Variants in ATCAY observed in about 807,000 individuals in gnomAD.
The protein encoded by ATCAY is ATCAY kinesin light chain interacting caytaxin, also known as caytaxin.
ATCAY carries 22 observed loss-of-function variants against 47.7 expected under a neutral mutation model. The ratio of observed to expected loss-of-function variants is 0.46; its 90% confidence interval spans 0.33 to 0.66. The LOEUF is 0.66. Among genes scored for constraint, ATCAY ranks in the 30% least tolerant of loss-of-function variants. The probability of loss-of-function intolerance (pLI) is 0.02; values close to 1 mark genes in which losing one functional copy is unlikely to be tolerated. For synonymous variants in ATCAY, 216 were observed against 207.6 expected (o/e 1.04, Z -0.35); for missense variants, 452 against 515.0 (o/e 0.88, Z 1.18).
chr19:3,916,394 G>A (rs1371004696), intron 9 of ATCAY, among the ~76,000 whole-genome samples: 1 of 152,124 alleles, frequency 6.6e-6, no homozygotes, highest in Non-Finnish European at 1.5e-5. Flanking sequence ...AAATATCTCT[G>A]TAAGACCCTA....
Position 3,908,393 on chromosome 19 carries a change from C to T in ATCAY, c.647+23C>T, listed in dbSNP as rs780377613. 2.6e-6 allele frequency: 4 copies of T among 1,547,354 alleles called. No individual in the cohort carries two copies. In the African/African-American group the frequency reaches 4.1e-5, roughly 16 times the overall value. The stretch of plus-strand genomic sequence containing the variant: ...CCTGTGAGTCCCCGCCCGCGGCGAG[C>T]AGCCTCGGGCCAGCTCTGATGCCTC... On this transcript the variant is annotated intron_variant, in intron 6 of 12. Coordinates refer to ENST00000450849, the MANE Select transcript of ATCAY (RefSeq NM_033064.5).
intron 9 of ATCAY, among the ~76,000 whole-genome samples, chr19:3,916,262 T>C (rs1384115097): frequency 1.3e-5 from 2 of 152,188 alleles, no homozygotes; most frequent in Non-Finnish European, 2.9e-5. Flanking sequence ...TTCCATTGCG[T>C]GAATGGACCA....
chr19:3,906,512 A>C (rs1274496942), intron 4 of ATCAY, among the ~76,000 whole-genome samples: 1 of 151,854 alleles, frequency 6.6e-6, no homozygotes, highest in East Asian at 2.0e-4. Context: ...CATGTTGCCC[A>C]GGCTGGTCTC....
rs768004227 is a variant in ATCAY at position 3,910,863 on chromosome 19, G to C, written c.840G>C (p.Val280=). 1 of 1,614,018 alleles carries C rather than the reference G, an allele frequency of 6.2e-7. No homozygotes were observed. The highest frequency in any genetic ancestry group is 8.5e-7 in the Non-Finnish European group (1 of 1,179,906). The change falls in exon 8 of 13, where the codon GTG becomes GTC. Residue 280 remains valine (V), a synonymous_variant. Transcript: ENST00000450849. ...ACCCCTCGTGGTTCATTCGGACTGT[G>C]CTGGCCATCTCTCGCCCTTTCATCA... ...IVHPSWFIRT[V]LAISRPFISV...
At chr19:3,909,460 C>T (rs1398833836) in intron 6 of ATCAY, 26 bp from the exon 7 acceptor site, 1 of 1,608,646 alleles carries the variant, frequency 6.2e-7, no homozygotes, top group African/African-American at 1.3e-5. Flanking sequence ...CATGTTGGGT[C>T]CCTGCCTTCT....
At chr19:3,888,631 C>CA (rs1382408823) in intron 2 of ATCAY, among the ~76,000 whole-genome samples, 2 of 151,738 alleles carry the variant, frequency 1.3e-5, no homozygotes, top group Non-Finnish European at 2.9e-5. Flanking sequence ...GAGAGTGTCT[C>CA]AAAAAAACAG....
chr19:3,911,511 AAAAC>A (rs2038922400), intron 8 of ATCAY, among the ~76,000 whole-genome samples: 1 of 152,012 alleles, frequency 6.6e-6, no homozygotes, highest in Non-Finnish European at 1.5e-5. Context: ...GAGACAGAGC[AAAAC>A]AACCCTGTCT....
At chr19:3,914,933 A>G (rs2038954160) in intron 9 of ATCAY, among the ~76,000 whole-genome samples, 2 of 151,864 alleles carry the variant, frequency 1.3e-5, no homozygotes, top group African/African-American at 4.8e-5. Context: ...GGAAACGCAG[A>G]CTTGGAAGGG....
intron 9 of ATCAY, among the ~76,000 whole-genome samples, chr19:3,914,925 A>G (rs934608523): frequency 2.0e-5 from 3 of 151,698 alleles, no homozygotes; most frequent in Non-Finnish European, 4.4e-5. Flanking sequence ...CAATGAGGGG[A>G]AACGCAGACT....
intron 2 of ATCAY, among the ~76,000 whole-genome samples, chr19:3,897,070 C>G (rs570458759): frequency 2.0e-5 from 3 of 151,918 alleles, no homozygotes; most frequent in East Asian, 3.9e-4. Flanking sequence ...TGAGCCACCA[C>G]GCCCAGCCAG....
At chr19:3,908,411 G>C in intron 6 of ATCAY, 41 bp downstream of exon 6, 1 of 1,508,110 alleles carries the variant, frequency 6.6e-7, no homozygotes, top group Non-Finnish European at 9.0e-7. Context: ...GGCCAGCTCT[G>C]ATGCCTCCCT....
chr19:3,914,235 C>CAAA (rs56742726), intron 9 of ATCAY, among the ~76,000 whole-genome samples: 1 of 62,568 alleles, frequency 1.6e-5, no homozygotes, highest in African/African-American at 1.0e-4. Context: ...GACTCCATCG[C>CAAA]AAAAAAAAAA....
At chr19:3,910,998 T>A in intron 8 of ATCAY, 109 bp downstream of exon 8, 1 of 1,221,760 alleles carries the variant, frequency 8.2e-7, no homozygotes, top group Non-Finnish European at 1.2e-6. Flanking sequence ...CGTGTGTGCA[T>A]CTGTGTGTGT....
intron 1 of ATCAY, among the ~76,000 whole-genome samples, chr19:3,884,608 G>A (rs576411062): frequency 6.6e-6 from 1 of 152,266 alleles, no homozygotes; most frequent in Non-Finnish European, 1.5e-5. Flanking sequence ...AAGAGGGAGG[G>A]TAAGTCTATC....
At chr19:3,890,679 G>A (rs539369535) in intron 2 of ATCAY, among the ~76,000 whole-genome samples, 13 of 152,294 alleles carry the variant, frequency 8.5e-5, no homozygotes, top group South Asian at 2.1e-4. Context: ...CGAGGCCAGC[G>A]GGAGCGGGAG....
At chr19:3,905,955 G>A (rs868311712) in intron 4 of ATCAY, among the ~76,000 whole-genome samples, 4 of 151,932 alleles carry the variant, frequency 2.6e-5, no homozygotes, top group African/African-American at 4.8e-5. Flanking sequence ...GGCAGATCAC[G>A]AGGTCAGGAG....
chr19:3,893,899 C>G (rs2145229195), intron 2 of ATCAY, among the ~76,000 whole-genome samples: 1 of 152,000 alleles, frequency 6.6e-6, no homozygotes, highest in Non-Finnish European at 1.5e-5. Context: ...CCCCACTGCT[C>G]TCTCTGCGCC....
At chr19:3,887,464 A>C (rs1161438376) in intron 2 of ATCAY, among the ~76,000 whole-genome samples, 1 of 150,690 alleles carries the variant, frequency 6.6e-6, no homozygotes, top group African/African-American at 2.4e-5. Context: ...TCTCTATTTT[A>C]TTTTATTTTT....
intron 7 of ATCAY, among the ~76,000 whole-genome samples, chr19:3,910,137 C>G (rs2038911100): frequency 6.6e-6 from 1 of 152,088 alleles, no homozygotes; most frequent in Non-Finnish European, 1.5e-5. Flanking sequence ...CGGCACCCCC[C>G]ATCCTACTTT....
Sources: gnomAD v4.1 joint callset for allele counts (sites outside exome capture counted in the v4.1 genomes callset) on GRCh38, gnomAD v4.1.1 for gene constraint, MANE v1.5 for transcripts, NCBI Gene and HGNC (gene_info 2026-07-23, HGNC 2026-07-21) for gene names.